RIMS2: variants seen among roughly 807,000 people sequenced by gnomAD.
RIMS2 encodes the protein regulating synaptic membrane exocytosis protein 2.
RIMS2 carries 59 observed loss-of-function variants against 174.4 expected under a neutral mutation model. That is an observed-to-expected ratio of 0.34 (90% CI 0.27 to 0.42). The LOEUF (loss-of-function observed/expected upper bound fraction) is 0.42, where lower values mean the gene tolerates loss of function less well. Among genes scored for constraint, RIMS2 ranks in the 10% least tolerant of loss-of-function variants. The pLI, the probability that RIMS2 is intolerant of heterozygous loss-of-function variation, is 1.00. For synonymous variants in RIMS2, 606 were observed against 572.5 expected (o/e 1.06, Z -0.84); for missense variants, 1,620 against 1,666.3 (o/e 0.97, Z 0.48).
chr8:103,729,968 G>A (rs902030901), intron 2 of RIMS2, among the ~76,000 whole-genome samples: 2 of 152,136 alleles, frequency 1.3e-5, no homozygotes, highest in African/African-American at 4.8e-5. Flanking sequence ...CCTAGCATAT[G>A]GTCTATGCTT....
chr8:103,808,244 C>A (rs951675854), intron 3 of RIMS2, among the ~76,000 whole-genome samples: 4 of 152,010 alleles, frequency 2.6e-5, no homozygotes, highest in Non-Finnish European at 4.4e-5. Flanking sequence ...TTATTGTCTT[C>A]CGGGCTACCA....
intron 1 of RIMS2, among the ~76,000 whole-genome samples, chr8:103,672,808 A>G (rs920334156): frequency 6.6e-6 from 1 of 152,006 alleles, no homozygotes; most frequent in African/African-American, 2.4e-5. Flanking sequence ...ACTAAATACA[A>G]TCATGCCTTC....
chr8:103,630,694 A>G (rs1452054876), intron 1 of RIMS2, among the ~76,000 whole-genome samples: 2 of 152,046 alleles, frequency 1.3e-5, no homozygotes, highest in African/African-American at 4.8e-5. Context: ...ATATTCCTAG[A>G]AAACTATGAA....
At chr8:103,988,874 T>C (rs1308264627) in intron 16 of RIMS2, among the ~76,000 whole-genome samples, 3 of 152,208 alleles carry the variant, frequency 2.0e-5, no homozygotes, top group Non-Finnish European at 2.9e-5. Flanking sequence ...TCCGAACTCA[T>C]GTCCAACCAC....
At chr8:103,747,075 CT>C (rs35423526) in intron 2 of RIMS2, among the ~76,000 whole-genome samples, 10 of 148,606 alleles carry the variant, frequency 6.7e-5, no homozygotes, top group East Asian at 2.0e-4. Flanking sequence ...GATCTTCTTT[CT>C]TTTTTTTTTA....
chr8:104,016,927 CCA>C (rs1473355067), intron 19 of RIMS2, among the ~76,000 whole-genome samples: 6 of 151,800 alleles, frequency 4.0e-5, no homozygotes, highest in Non-Finnish European at 8.8e-5. Flanking sequence ...TTAATTAAAA[CCA>C]CAGTTTTCCT....
chr8:103,922,643 T>G (rs1039992327), intron 10 of RIMS2: 3 of 402,456 alleles, frequency 7.5e-6, no homozygotes, highest in Admixed American at 2.8e-5. Flanking sequence ...TAAAAAAAAG[T>G]TACAGTTAAA....
At position 103,716,647 on chromosome 8, in the gene RIMS2, T is replaced by A. The variant is rs549898076; in HGVS notation, c.387+19351T>A. Among the ~76,000 whole-genome samples, 6 of 152,194 alleles carry A rather than the reference T, an allele frequency of 3.9e-5. No homozygotes were observed. The South Asian group carries it at 1.2e-3, about 32-fold the overall frequency. ...GATAAATTTCTATAATCTTCTATTA[T>A]GCTAAACTCATCATTGCACTGATAA... On this transcript the variant is annotated intron_variant, in intron 2 of 23. Transcript: ENST00000504942.
At chr8:104,011,475 G>A (rs745589290) in intron 17 of RIMS2, among the ~76,000 whole-genome samples, 7 of 151,946 alleles carry the variant, frequency 4.6e-5, no homozygotes, top group Non-Finnish European at 7.4e-5. Context: ...ACTTCCTAAG[G>A]AGTGACCTCT....
chr8:104,103,252 C>T (rs2131229736), intron 19 of RIMS2, among the ~76,000 whole-genome samples: 1 of 152,122 alleles, frequency 6.6e-6, no homozygotes, highest in Admixed American at 6.5e-5. Context: ...AGAATGACTA[C>T]TAATAGATAC....
At chr8:103,887,915 A>G (rs1189664675) in intron 4 of RIMS2, among the ~76,000 whole-genome samples, 2 of 151,628 alleles carry the variant, frequency 1.3e-5, no homozygotes, top group Non-Finnish European at 3.0e-5. Context: ...GCTAAGTAGT[A>G]TAAAGATGCA....
intron 1 of RIMS2, among the ~76,000 whole-genome samples, chr8:103,551,117 ATAC>A (rs2131589371): frequency 6.6e-6 from 1 of 152,344 alleles, no homozygotes. Context: ...CATCATCCTG[ATAC>A]CAAAGCCTGG....
intron 19 of RIMS2, among the ~76,000 whole-genome samples, chr8:104,129,636 T>C (rs2098458865): frequency 6.6e-6 from 1 of 152,228 alleles, no homozygotes. Flanking sequence ...TGAGGACTGT[T>C]GTGAAACATA....
chr8:103,666,028 A>G (rs1271419848), intron 1 of RIMS2, among the ~76,000 whole-genome samples: 1 of 152,214 alleles, frequency 6.6e-6, no homozygotes, highest in Non-Finnish European at 1.5e-5. Flanking sequence ...ATTAAATTTA[A>G]CAGAGTTTAA....
At chr8:103,875,207 C>T (rs1181149178) in intron 3 of RIMS2, among the ~76,000 whole-genome samples, 1 of 151,818 alleles carries the variant, frequency 6.6e-6, no homozygotes, top group Non-Finnish European at 1.5e-5. Context: ...TTTTAGTGTA[C>T]CTGTCCCCTA....
At chr8:103,576,266 C>T (rs10093848) in intron 1 of RIMS2, among the ~76,000 whole-genome samples, 6 of 152,038 alleles carry the variant, frequency 3.9e-5, no homozygotes, top group South Asian at 4.1e-4. Flanking sequence ...AGTGCCAAAA[C>T]GGTGGCAGCA....
In RIMS2 at chr8:103,921,665, G is replaced by A. The variant is rs34377378; in HGVS notation, c.2084-7G>A. ...TTATTATTCGTTATGTGTAATTATC[G>A]TTTCAGGTTCTAGCTCCTTTGAATC... On this transcript the variant is annotated splice_polypyrimidine_tract_variant and splice_region_variant and intron_variant, in intron 9 of 23. Coordinates refer to ENST00000504942, the Ensembl canonical transcript of RIMS2. The A allele has an allele frequency of 1.6e-3, 1,768 of 1,116,436 alleles. 6 individuals carry two copies. Among genetic ancestry groups the A allele is most frequent in the Non-Finnish European group, 2.2e-3 (1,599 of 725,890 alleles). The allele number at this position is 1,116,436 out of a possible 1,614,324, so 69.2% of individuals were successfully genotyped here.
At chr8:103,528,551 C>A (rs1477200581) in intron 1 of RIMS2, among the ~76,000 whole-genome samples, 1 of 152,194 alleles carries the variant, frequency 6.6e-6, no homozygotes, top group Non-Finnish European at 1.5e-5. Context: ...TTTAGTCCAT[C>A]TTGAATTAAT....
At position 104,013,430 on chromosome 8, in the gene RIMS2, C is replaced by T. The variant is rs968819593; in HGVS notation, c.3045-12C>T. On this transcript the variant is annotated splice_polypyrimidine_tract_variant and intron_variant, in intron 17 of 23. Coordinates refer to ENST00000504942, the Ensembl canonical transcript of RIMS2. The stretch of plus-strand genomic sequence containing the variant: ...AAAGATCAACTGAGCTGCTTTTTGA[C>T]TAACGTTTCAGGGATTGTGAAGCAG... 6.2e-7 allele frequency: 1 copy of T among 1,611,474 alleles called. No homozygotes were observed. Among genetic ancestry groups the T allele is most frequent in the African/African-American group, 1.3e-5 (1 of 74,818 alleles).
Sources: allele counts gnomAD v4.1 joint callset (sites outside exome capture counted in the v4.1 genomes callset), GRCh38; gene constraint gnomAD v4.1.1; transcripts MANE v1.5; gene names NCBI Gene and HGNC (gene_info 2026-07-23, HGNC 2026-07-21).